MAP3K3: variants seen among roughly 807,000 people sequenced by gnomAD.
MAP3K3 encodes the protein mitogen-activated protein kinase kinase kinase 3.
Under a neutral mutation model 80.9 loss-of-function variants are expected in MAP3K3, and 12 were observed. The observed-to-expected ratio is 0.15, with a 90% CI of 0.10 to 0.24. The LOEUF (loss-of-function observed/expected upper bound fraction) is 0.24, where lower values mean the gene tolerates loss of function less well. MAP3K3 is among the 10% of genes least tolerant of loss of function. The probability of loss-of-function intolerance (pLI) is 1.00; values close to 1 mark genes in which losing one functional copy is unlikely to be tolerated. For synonymous variants in MAP3K3, 272 were observed against 307.1 expected, an observed-to-expected ratio of 0.89 and a Z score of 1.19; for missense variants, 596 against 834.7, an observed-to-expected ratio of 0.71 and a Z score of 3.52.
intron 8 of MAP3K3, among the ~76,000 whole-genome samples, chr17:63,686,259 A>G (rs2035447097): frequency 6.6e-6 from 1 of 152,112 alleles, no homozygotes; most frequent in Non-Finnish European, 1.5e-5. Flanking sequence ...GGATTTTTTT[A>G]CTTTGTGTAA....
intron 6 of MAP3K3, among the ~76,000 whole-genome samples, chr17:63,674,022 G>C (rs928626686): frequency 8.6e-5 from 13 of 151,796 alleles, no homozygotes; most frequent in African/African-American, 3.1e-4. Context: ...GGAGGTTGCA[G>C]TGAGCTGAGA....
intron 6 of MAP3K3, among the ~76,000 whole-genome samples, chr17:63,671,255 A>AGG (rs2035100985): frequency 6.0e-5 from 8 of 132,670 alleles, no homozygotes; most frequent in Non-Finnish European, 6.3e-5. Context: ...GTTCAAAATT[A>AGG]TTTTCTTTTT....
chr17:63,638,801 C>G (rs1269394650), intron 2 of MAP3K3, among the ~76,000 whole-genome samples: 1 of 152,188 alleles, frequency 6.6e-6, no homozygotes, highest in Non-Finnish European at 1.5e-5. Context: ...AACCCCAACA[C>G]TTTGGGAGGC....
rs1375164048 is a variant in MAP3K3 at position 63,690,260 on chromosome 17, G to A, written c.1064-4G>A. The A allele has an allele frequency of 1.2e-6, 2 of 1,613,402 alleles. No homozygotes were observed. The highest frequency in any genetic ancestry group is 2.2e-5 in the South Asian group (2 of 90,998). ...AGTAACTCTTTCCTTCTGCTCTCCTGTAGCTCCCAGTGCCCCCATCAACTG... is the reference window on the plus strand; with the variant it reads ...AGTAACTCTTTCCTTCTGCTCTCCTATAGCTCCCAGTGCCCCCATCAACTG... On this transcript the variant is annotated splice_region_variant and splice_polypyrimidine_tract_variant and intron_variant, in intron 11 of 15. Transcript: ENST00000361733.
rs780677885 is a variant in MAP3K3 at position 63,693,788 on chromosome 17, C to T, written c.*11C>T. The T allele has an allele frequency of 5.0e-6, 8 of 1,589,822 alleles. No individual in the cohort carries two copies. In the South Asian group the frequency reaches 6.8e-5, roughly 14 times the overall value. On this transcript the variant is annotated 3_prime_UTR_variant, in exon 16 of 16. Coordinates refer to ENST00000361733, the MANE Select transcript of MAP3K3 (RefSeq NM_002401.5). The surrounding 1 kb of genome is among the most constrained non-coding windows in gnomAD (Gnocchi z 4.2). ...CAGCTCATGTACTGAGCTCTCACGG[C>T]CACACAGCTGCCGGTCGCCCTTTGC...
intron 5 of MAP3K3, among the ~76,000 whole-genome samples, chr17:63,660,766 A>AT (rs749990089): frequency 8.1e-5 from 12 of 147,774 alleles, no homozygotes; most frequent in East Asian, 4.1e-4. Context: ...CTAATTTTGT[A>AT]TTTTTTTTTA....
Position 63,630,216 on chromosome 17 carries a change from C to A in MAP3K3, c.5-2465C>A, listed in dbSNP as rs111829304. Reference sequence around the variant, plus strand: ...TTATATATATTTAATAATATCTAAGCCATTTAATATATAAACCTATACATA... The same window carrying A: ...TTATATATATTTAATAATATCTAAGACATTTAATATATAAACCTATACATA... On this transcript the variant is annotated intron_variant, in intron 1 of 15. Transcript: ENST00000361733. 9.2e-3 allele frequency among the ~76,000 whole-genome samples: 1,397 copies of A among 152,140 alleles called. 24 individuals carry two copies. The highest frequency in any genetic ancestry group is 0.031 in the African/African-American group (1,307 of 41,494).
chr17:63,681,719 C>A, intron 6 of MAP3K3, 47 bp from the exon 7 acceptor site: 1 of 1,363,052 alleles, frequency 7.3e-7, no homozygotes. Context: ...CCTCTTGGGC[C>A]ACACACCCTG....
At position 63,634,847 on chromosome 17, in the gene MAP3K3, C is replaced by T. The variant is rs140471490; in HGVS notation, c.126+2045C>T. The stretch of plus-strand genomic sequence containing the variant: ...TTAAAGCCAAAATGTACTTTTAAAT[C>T]TGCTACTCATGCTGCAACAGCAGAA... On this transcript the variant is annotated intron_variant, in intron 2 of 15. Transcript: ENST00000361733. 2,446 of 1,474,624 alleles carry T rather than the reference C, an allele frequency of 1.7e-3. 41 individuals carry two copies. In the African/African-American group the frequency reaches 0.031, roughly 18 times the overall value. The allele number at this position is 1,474,624 out of a possible 1,614,324, so 91.3% of individuals were successfully genotyped here.
chr17:63,688,098 A>G (rs1163366217), intron 8 of MAP3K3: 3 of 250,898 alleles, frequency 1.2e-5, no homozygotes, highest in Non-Finnish European at 2.4e-5. Flanking sequence ...TGTATTTGCT[A>G]CCTCACAGCG....
chr17:63,665,236 G>A (rs2034976592), intron 5 of MAP3K3, among the ~76,000 whole-genome samples: 1 of 152,048 alleles, frequency 6.6e-6, no homozygotes, highest in Admixed American at 6.5e-5. Context: ...TGCGATCTCG[G>A]CTCACTGCAA....
chr17:63,681,634 C>A, intron 6 of MAP3K3, 132 bp from the exon 7 acceptor site: 1 of 749,188 alleles, frequency 1.3e-6, no homozygotes, highest in Non-Finnish European at 1.9e-6. Flanking sequence ...CTGGCACATG[C>A]TGGACGTTGG....
rs2035593172 is a variant in MAP3K3 at position 63,691,651 on chromosome 17, T to G, written c.1345-82T>G. 5.2e-6 allele frequency: 8 copies of G among 1,545,378 alleles called. No homozygotes were observed. The highest frequency in any genetic ancestry group is 6.1e-6 in the Non-Finnish European group (7 of 1,139,806). On this transcript the variant is annotated intron_variant, in intron 13 of 15. Coordinates refer to ENST00000361733, the MANE Select transcript of MAP3K3 (RefSeq NM_002401.5). The surrounding 1 kb of genome is among the most constrained non-coding windows in gnomAD (Gnocchi z 4.8). The stretch of plus-strand genomic sequence containing the variant: ...GGAATTGAACAAATCACTCCTTTGC[T>G]GCCATGCTGGGGGCTGGAATGGGCT...
At chr17:63,635,489 G>C (rs1461755355) in intron 2 of MAP3K3, among the ~76,000 whole-genome samples, 1 of 152,246 alleles carries the variant, frequency 6.6e-6, no homozygotes, top group Admixed American at 6.5e-5. Context: ...CCTGTCCTGG[G>C]AAGTGTAGCA....
Position 63,689,054 on chromosome 17 carries a change from A to G in MAP3K3, c.871+173A>G. 1.6e-6 allele frequency: 1 copy of G among 608,162 alleles called. No individual in the cohort carries two copies. The highest frequency in any genetic ancestry group is 4.3e-4 in the Middle Eastern group (1 of 2,302). The allele number at this position is 608,162 out of a possible 1,614,324, so 37.7% of individuals were successfully genotyped here. A position where few individuals can be genotyped will look rare whatever the true frequency, so the allele number is the denominator to read the frequency against. On this transcript the variant is annotated intron_variant, in intron 10 of 15. Coordinates refer to ENST00000361733, the MANE Select transcript of MAP3K3 (RefSeq NM_002401.5). The surrounding 1 kb of genome is among the most constrained non-coding windows in gnomAD (Gnocchi z 4.3). Reference sequence around the variant, plus strand: ...AAACAAAAACAAAAACAGGGAAGATAGTATTTGTAGACCAGATGCTGCCAC... The same window carrying G: ...AAACAAAAACAAAAACAGGGAAGATGGTATTTGTAGACCAGATGCTGCCAC...
intron 2 of MAP3K3, among the ~76,000 whole-genome samples, chr17:63,637,459 T>C (rs1198302757): frequency 1.3e-5 from 2 of 152,228 alleles, no homozygotes; most frequent in African/African-American, 2.4e-5. Flanking sequence ...ATCTGAAATA[T>C]AGACTTAATA....
chr17:63,688,281 A>G, intron 8 of MAP3K3: 1 of 563,384 alleles, frequency 1.8e-6, no homozygotes, highest in Middle Eastern at 4.8e-4. Context: ...AGGGCTGTGC[A>G]GCCAGGCTGG....
rs925667661 is a variant in MAP3K3 at position 63,688,328 on chromosome 17, G to C, written c.711-199G>C. 5 of 609,356 alleles carry C rather than the reference G, an allele frequency of 8.2e-6. No homozygotes were observed. In the African/African-American group the frequency reaches 9.2e-5, roughly 11 times the overall value. 37.7% of individuals were successfully genotyped at this position (609,356 alleles called of 1,614,324 possible). A position where few individuals can be genotyped will look rare whatever the true frequency, so the allele number is the denominator to read the frequency against. On this transcript the variant is annotated intron_variant, in intron 8 of 15. Transcript: ENST00000361733. ...ATGGGGGAGATTTACCACTCAGGGT[G>C]CTGTCAAATTTGGGTCACAGACTAG...
chr17:63,625,028 T>C (rs1262511202), intron 1 of MAP3K3, among the ~76,000 whole-genome samples: 1 of 152,240 alleles, frequency 6.6e-6, no homozygotes, highest in Non-Finnish European at 1.5e-5. Flanking sequence ...AAAGGATTGA[T>C]AAGAGAGAAA....
Sources: allele counts gnomAD v4.1 joint callset (sites outside exome capture counted in the v4.1 genomes callset), GRCh38; gene constraint gnomAD v4.1.1; non-coding constraint Gnocchi (gnomAD v3.1); transcripts MANE v1.5; gene names NCBI Gene and HGNC (gene_info 2026-07-23, HGNC 2026-07-21).